JAZF1: variants seen among roughly 807,000 people sequenced by gnomAD.
The protein encoded by JAZF1 is juxtaposed with another zinc finger protein 1.
JAZF1 carries 8 observed loss-of-function variants against 26.4 expected under a neutral mutation model. That is an observed-to-expected ratio of 0.30 (90% CI 0.18 to 0.55). JAZF1 has a LOEUF of 0.55. JAZF1 is among the 20% of genes least tolerant of loss of function. JAZF1 has a pLI of 0.94. For synonymous variants in JAZF1, 126 were observed against 122.3 expected, an observed-to-expected ratio of 1.03 and a Z score of -0.20; for missense variants, 199 against 322.0, an observed-to-expected ratio of 0.62 and a Z score of 2.92.
intron 3 of JAZF1, among the ~76,000 whole-genome samples, chr7:27,855,242 T>A (rs1474825687): frequency 1.3e-5 from 2 of 151,962 alleles, no homozygotes; most frequent in Non-Finnish European, 2.9e-5. Context: ...AGAGGGAAAT[T>A]TATAGCACTA....
At chr7:27,850,055 T>C (rs1207457371) in intron 3 of JAZF1, among the ~76,000 whole-genome samples, 3 of 152,220 alleles carry the variant, frequency 2.0e-5, no homozygotes, top group Non-Finnish European at 4.4e-5. Context: ...AAACCCAATA[T>C]GCCACATTTT....
intron 1 of JAZF1, among the ~76,000 whole-genome samples, chr7:28,007,298 T>C (rs943466262): frequency 6.6e-6 from 1 of 151,898 alleles, no homozygotes; most frequent in African/African-American, 2.4e-5. Context: ...TGAAACCCCA[T>C]CTCTACTGAA....
chr7:28,157,013 T>C (rs1016064590), intron 1 of JAZF1, among the ~76,000 whole-genome samples: 1 of 152,372 alleles, frequency 6.6e-6, no homozygotes, highest in African/African-American at 2.4e-5. Context: ...TGACCTTCGA[T>C]ATCCTTCAAC....
At chr7:27,882,534 T>C (rs1783791867) in intron 3 of JAZF1, among the ~76,000 whole-genome samples, 1 of 152,240 alleles carries the variant, frequency 6.6e-6, no homozygotes, top group African/African-American at 2.4e-5. Flanking sequence ...CTTCAGTTTC[T>C]TCCTGCCTGT....
At chr7:27,951,463 A>G (rs770480342) in intron 2 of JAZF1, among the ~76,000 whole-genome samples, 1 of 152,240 alleles carries the variant, frequency 6.6e-6, no homozygotes, top group Admixed American at 6.5e-5. Flanking sequence ...CATGCATTTT[A>G]GACATCAAAG....
intron 1 of JAZF1, among the ~76,000 whole-genome samples, chr7:28,161,186 A>G (rs1169563064): frequency 6.6e-6 from 1 of 151,760 alleles, no homozygotes; most frequent in Non-Finnish European, 1.5e-5. Flanking sequence ...GGCATTCAAC[A>G]AATATTAGCC....
At chr7:27,859,121 A>C (rs1783328859) in intron 3 of JAZF1, among the ~76,000 whole-genome samples, 2 of 152,238 alleles carry the variant, frequency 1.3e-5, no homozygotes, top group African/African-American at 4.8e-5. Context: ...ACATATGAAA[A>C]AAAGCTCATC....
intron 2 of JAZF1, among the ~76,000 whole-genome samples, chr7:27,900,044 A>AC (rs1784140703): frequency 6.6e-6 from 1 of 152,100 alleles, no homozygotes. Context: ...GCTGTGTGGG[A>AC]CCACTGGGCT....
chr7:28,106,473 C>CA (rs1784555222), intron 1 of JAZF1, among the ~76,000 whole-genome samples: 1 of 152,136 alleles, frequency 6.6e-6, no homozygotes, highest in Non-Finnish European at 1.5e-5. Flanking sequence ...TCTAGGGAGA[C>CA]ACAGGATCTG....
chr7:27,889,920 G>A (rs1469670986), intron 3 of JAZF1, among the ~76,000 whole-genome samples: 2 of 123,828 alleles, frequency 1.6e-5, no homozygotes, highest in Non-Finnish European at 3.3e-5. Context: ...GTGATAGAGT[G>A]AGACTTTCTC....
At chr7:27,999,332 C>A (rs965843306) in intron 1 of JAZF1, among the ~76,000 whole-genome samples, 1 of 152,150 alleles carries the variant, frequency 6.6e-6, no homozygotes, top group Non-Finnish European at 1.5e-5. Context: ...AAGCAGCATG[C>A]AACACAAAAG....
At chr7:28,152,952 G>A (rs1783132003) in intron 1 of JAZF1, among the ~76,000 whole-genome samples, 1 of 152,198 alleles carries the variant, frequency 6.6e-6, no homozygotes, top group Non-Finnish European at 1.5e-5. Context: ...TGAAAACAGT[G>A]TAAATTGGTG....
At chr7:28,121,639 G>A (rs1182865440) in intron 1 of JAZF1, among the ~76,000 whole-genome samples, 2 of 152,138 alleles carry the variant, frequency 1.3e-5, no homozygotes, top group Admixed American at 6.5e-5. Flanking sequence ...AATAATGAAA[G>A]TCAAATTTAA....
chr7:27,948,811 G>T (rs1465840580), intron 2 of JAZF1, among the ~76,000 whole-genome samples: 1 of 152,182 alleles, frequency 6.6e-6, no homozygotes, highest in Non-Finnish European at 1.5e-5. Flanking sequence ...ATACTTGAAG[G>T]TAGTGGTCAA....
At chr7:28,110,253 C>T (rs1018905097) in intron 1 of JAZF1, among the ~76,000 whole-genome samples, 1 of 151,792 alleles carries the variant, frequency 6.6e-6, no homozygotes, top group African/African-American at 2.4e-5. Context: ...CAGTGAAACC[C>T]CATTTCTGAT....
At chr7:27,900,233 T>C (rs1045441086) in intron 2 of JAZF1, among the ~76,000 whole-genome samples, 2 of 152,172 alleles carry the variant, frequency 1.3e-5, no homozygotes. Context: ...CTGACTTAAA[T>C]TTTCAGGGAT....
At chr7:27,997,761 T>C (rs1786046908) in intron 1 of JAZF1, among the ~76,000 whole-genome samples, 1 of 151,528 alleles carries the variant, frequency 6.6e-6, no homozygotes, top group Admixed American at 6.6e-5. Flanking sequence ...TTTTTTAGAG[T>C]TGGGGTCTTG....
chr7:27,986,350 A>G (rs1319908352), intron 2 of JAZF1, among the ~76,000 whole-genome samples: 1 of 152,166 alleles, frequency 6.6e-6, no homozygotes, highest in Non-Finnish European at 1.5e-5. Flanking sequence ...TCATGAGTGA[A>G]CTCCCATTCA....
At chr7:28,120,388 T>A in intron 1 of JAZF1, among the ~76,000 whole-genome samples, 1 of 150,786 alleles carries the variant, frequency 6.6e-6, no homozygotes, top group Admixed American at 6.6e-5. Context: ...AATTGTAATA[T>A]CAAATGCTAA....
Sources: gnomAD v4.1 joint callset for allele counts (sites outside exome capture counted in the v4.1 genomes callset) on GRCh38, gnomAD v4.1.1 for gene constraint, MANE v1.5 for transcripts, NCBI Gene and HGNC (gene_info 2026-07-23, HGNC 2026-07-21) for gene names.